Variants in HTR4 observed in about 807,000 individuals in gnomAD.
HTR4 encodes the protein 5-hydroxytryptamine (serotonin) receptor 4, G protein-coupled.
A neutral mutation model predicts 36.8 loss-of-function variants in HTR4; 16 were observed. That is an observed-to-expected ratio of 0.43 (90% CI 0.29 to 0.66). The LOEUF (loss-of-function observed/expected upper bound fraction) is 0.66. HTR4 is among the 30% of genes least tolerant of loss of function. HTR4 has a pLI of 0.13. For missense variants in HTR4, 438 were observed against 490.9 expected, an observed-to-expected ratio of 0.89 and a Z score of 1.02; for synonymous variants, 189 against 185.1, an observed-to-expected ratio of 1.02 and a Z score of -0.17.
At chr5:148,491,337 G>T (rs62388964) in intron 6 of HTR4, among the ~76,000 whole-genome samples, 14 of 150,542 alleles carry the variant, frequency 9.3e-5, no homozygotes, top group African/African-American at 1.2e-4. Context: ...TTTTTTTTTG[G>T]TCTTGCCTTA....
chr5:148,596,058 C>T (rs1030739078), intron 2 of HTR4, among the ~76,000 whole-genome samples: 9 of 152,156 alleles, frequency 5.9e-5, no homozygotes, highest in African/African-American at 1.7e-4. Flanking sequence ...GCTTCTATTA[C>T]CCAGAGCAGT....
intron 2 of HTR4, among the ~76,000 whole-genome samples, chr5:148,580,835 G>A (rs1029897475): frequency 6.6e-6 from 1 of 152,064 alleles, no homozygotes; most frequent in Non-Finnish European, 1.5e-5. Flanking sequence ...ACATGGGAGT[G>A]CGGATATCTC....
chr5:148,639,617 GTATATATATATA>G (rs370514542), intron 1 of HTR4, among the ~76,000 whole-genome samples: 2 of 111,866 alleles, frequency 1.8e-5, no homozygotes, highest in Admixed American at 9.0e-5. Context: ...TTTCTTCCCA[GTATATATATATA>G]TATATATATA....
intron 5 of HTR4, among the ~76,000 whole-genome samples, chr5:148,514,440 A>T (rs1312295517): frequency 5.3e-5 from 8 of 152,038 alleles, no homozygotes; most frequent in Middle Eastern, 3.2e-3. Context: ...TCTTATTTGT[A>T]CTGGACCCTG....
At chr5:148,579,190 G>C (rs1761042384) in intron 2 of HTR4, among the ~76,000 whole-genome samples, 1 of 152,014 alleles carries the variant, frequency 6.6e-6, no homozygotes, top group Non-Finnish European at 1.5e-5. Context: ...TGAGCCTGGG[G>C]GCACAGCCAA....
At chr5:148,476,522 G>A, downstream of HTR4, 1 of 1,278,596 alleles carries the variant, frequency 7.8e-7, no homozygotes, top group South Asian at 2.7e-5. Context: ...AGCTTTTGAA[G>A]TGGGTGGAGT....
intron 1 of HTR4, among the ~76,000 whole-genome samples, chr5:148,642,266 A>G (rs1356925298): frequency 1.3e-5 from 2 of 152,132 alleles, no homozygotes; most frequent in Non-Finnish European, 1.5e-5. Context: ...GAGTCACTGG[A>G]CCTAGGCCCT....
Position 148,623,661 on chromosome 5 carries a change from A to G in HTR4, c.26+13328T>C, listed in dbSNP as rs555030956. 5.1e-4 allele frequency among the ~76,000 whole-genome samples: 77 copies of G among 152,288 alleles called. No homozygotes were observed. The Middle Eastern group carries it at 0.01, about 20-fold the overall frequency. ...AAACAGGACAGGAATTTTCAAGCCCAAGCAGAGTTGCTGCTTTCTAGGATC... is the reference window on the plus strand; with the variant it reads ...AAACAGGACAGGAATTTTCAAGCCCGAGCAGAGTTGCTGCTTTCTAGGATC... On this transcript the variant is annotated intron_variant, in intron 2 of 6. Transcript: ENST00000377888.
At chr5:148,563,043 T>C (rs1760282873) in intron 2 of HTR4, among the ~76,000 whole-genome samples, 1 of 152,184 alleles carries the variant, frequency 6.6e-6, no homozygotes, top group Non-Finnish European at 1.5e-5. Context: ...ATCACTTCCA[T>C]ACTCACTGCC....
chr5:148,591,373 T>C (rs1467076235), intron 2 of HTR4, among the ~76,000 whole-genome samples: 2 of 152,192 alleles, frequency 1.3e-5, no homozygotes, highest in Non-Finnish European at 2.9e-5. Flanking sequence ...TAAAGAATTG[T>C]CATTAGTAAT....
At chr5:148,548,258 G>C (rs777041177) in intron 4 of HTR4, among the ~76,000 whole-genome samples, 2 of 152,098 alleles carry the variant, frequency 1.3e-5, no homozygotes, top group African/African-American at 4.8e-5. Context: ...TCAAGAAAAG[G>C]TTATGTTCAA....
chr5:148,608,102 T>A (rs1171183232), intron 2 of HTR4, among the ~76,000 whole-genome samples: 1 of 152,120 alleles, frequency 6.6e-6, no homozygotes, highest in Non-Finnish European at 1.5e-5. Flanking sequence ...AATACATTCT[T>A]GTCTGGATGA....
downstream of HTR4, among the ~76,000 whole-genome samples, chr5:148,477,844 C>T (rs532156343): frequency 3.3e-5 from 5 of 152,200 alleles, no homozygotes; most frequent in South Asian, 2.1e-4. Context: ...CTTTTCCCTT[C>T]GCCTGACTTG....
At chr5:148,477,092 A>G (rs1454534027), downstream of HTR4, among the ~76,000 whole-genome samples, 1 of 152,232 alleles carries the variant, frequency 6.6e-6, no homozygotes, top group African/African-American at 2.4e-5. Context: ...GGGAAATGGC[A>G]TGCTGAAACT....
chr5:148,502,139 G>A (rs528641568), intron 6 of HTR4, among the ~76,000 whole-genome samples: 90 of 152,136 alleles, frequency 5.9e-4, no homozygotes, highest in African/African-American at 2.1e-3. Context: ...TGACAACTTT[G>A]AAGAGAGTAG....
At position 148,465,915 on chromosome 5, in the gene HTR4, G is replaced by C. The variant is rs764366147; in HGVS notation, c.1077-14643C>G. ...AAGAGCAGGAGGAAGCTGGAGACAGGGGAACAGCCACTTTTAGTTGAAACA... is the reference window on the plus strand; with the variant it reads ...AAGAGCAGGAGGAAGCTGGAGACAGCGGAACAGCCACTTTTAGTTGAAACA... On this transcript the variant is annotated intron_variant, in intron 5 of 5. Coordinates refer to the HTR4 transcript ENST00000521530. 3 of 1,613,382 alleles carry C rather than the reference G, an allele frequency of 1.9e-6. No homozygotes were observed. The South Asian group carries it at 3.3e-5, about 18-fold the overall frequency.
intron 2 of HTR4, among the ~76,000 whole-genome samples, chr5:148,597,308 A>G (rs1395950089): frequency 6.6e-6 from 1 of 152,194 alleles, no homozygotes; most frequent in Non-Finnish European, 1.5e-5. Flanking sequence ...AGTTCTTTAC[A>G]CAAAAAGAAA....
chr5:148,481,781 G>A lies in HTR4; in HGVS notation c.*1422C>T, dbSNP rs1755898539. ...CTCTGGGTTTGGCATTTACCTTCCC[G>A]GGACTTCTGCTATGGGGCATTCGCA... On this transcript the variant is annotated 3_prime_UTR_variant, in exon 7 of 7. Transcript: ENST00000377888. The A allele has an allele frequency of 4.3e-6, 6 of 1,400,504 alleles. No individual in the cohort carries two copies. Among genetic ancestry groups the A allele is most frequent in the South Asian group, 1.8e-5 (1 of 56,442 alleles). The allele number at this position is 1,400,504 out of a possible 1,614,324, so 86.8% of individuals were successfully genotyped here.
intron 6 of HTR4, among the ~76,000 whole-genome samples, chr5:148,500,518 G>A (rs1006735684): frequency 1.3e-5 from 2 of 151,858 alleles, no homozygotes. Context: ...GTCAAGTAAG[G>A]ATACCTTTTC....
Sources: allele counts gnomAD v4.1 joint callset (sites outside exome capture counted in the v4.1 genomes callset), GRCh38; gene constraint gnomAD v4.1.1; transcripts MANE v1.5; gene names NCBI Gene and HGNC (gene_info 2026-07-23, HGNC 2026-07-21).